C10orf90: variants seen among roughly 807,000 people sequenced by gnomAD.
C10orf90 encodes chromosome 10 open reading frame 90.
Under a neutral mutation model 62.5 loss-of-function variants are expected in C10orf90, and 56 were observed. That is an observed-to-expected ratio of 0.90 (90% CI 0.72 to 1.12). The LOEUF is 1.12. C10orf90 is among the 50% of genes most tolerant of loss of function. The probability of loss-of-function intolerance (pLI) is 0.00; values close to 1 mark genes in which losing one functional copy is unlikely to be tolerated. For missense variants in C10orf90, 970 were observed against 880.4 expected (o/e 1.10, Z -1.29); for synonymous variants, 386 against 340.4 (o/e 1.13, Z -1.47).
chr10:126,565,201 T>G (rs1844327823), intron 2 of C10orf90, among the ~76,000 whole-genome samples: 1 of 60,708 alleles, frequency 1.6e-5, no homozygotes, highest in African/African-American at 5.8e-5. Flanking sequence ...TTATATTACA[T>G]ATTATGTAAT....
In C10orf90 at chr10:126,504,541, C is replaced by G. The variant is rs369459666; in HGVS notation, c.950G>C (p.Arg317Pro). 124 of 1,614,094 alleles carry G rather than the reference C, an allele frequency of 7.7e-5. No individual in the cohort carries two copies. Among genetic ancestry groups the G allele is most frequent in the Non-Finnish European group, 1.0e-4 (120 of 1,180,032 alleles). ...PEAHTGLCER[R>P]KYWVTHADDK... ...GTCTGCATGGGTGACCCAGTACTTG[C>G]GTCTCTCACACAACCCAGTGTGGGC... The change falls in exon 4 of 10, where the codon CGC (arginine) becomes CCC (proline). Residue 317 changes from arginine (R) to proline (P), a missense_variant. Coordinates refer to ENST00000488181, the MANE Select transcript of C10orf90 (RefSeq NM_001350921.2). The surrounding 1 kb of genome is among the most constrained non-coding windows in gnomAD (Gnocchi z 4.1).
At chr10:126,430,699 C>T (rs923482311) in intron 7 of C10orf90, among the ~76,000 whole-genome samples, 2 of 152,164 alleles carry the variant, frequency 1.3e-5, no homozygotes, top group African/African-American at 4.8e-5. Context: ...CAGTAACCTG[C>T]TCATTCAGCA....
intron 3 of C10orf90, among the ~76,000 whole-genome samples, chr10:126,506,333 C>T (rs1301527119): frequency 6.6e-6 from 1 of 152,256 alleles, no homozygotes; most frequent in Non-Finnish European, 1.5e-5. Context: ...CACCCCAGCA[C>T]TTAGTGAAGG....
intron 4 of C10orf90, among the ~76,000 whole-genome samples, chr10:126,489,783 A>G (rs1861619617): frequency 6.6e-6 from 1 of 151,234 alleles, no homozygotes; most frequent in Non-Finnish European, 1.5e-5. Context: ...TCCCTTGTGC[A>G]GCATATTAAT....
At chr10:126,524,145 T>A (rs572827107) in intron 2 of C10orf90, among the ~76,000 whole-genome samples, 108 of 152,350 alleles carry the variant, frequency 7.1e-4, no homozygotes, top group African/African-American at 2.5e-3. Flanking sequence ...AAACTAGTTC[T>A]TGTTTTGAGA....
intron 1 of C10orf90, among the ~76,000 whole-genome samples, chr10:126,656,779 C>A (rs933154881): frequency 6.6e-6 from 1 of 152,246 alleles, no homozygotes; most frequent in Non-Finnish European, 1.5e-5. Context: ...TTCAACTGTA[C>A]CCATTTGTCA....
chr10:126,615,920 C>T (rs1845531091), intron 2 of C10orf90, among the ~76,000 whole-genome samples: 1 of 152,224 alleles, frequency 6.6e-6, no homozygotes, highest in Admixed American at 6.5e-5. Context: ...CTTACTGGAG[C>T]CTTCCCATCA....
intron 2 of C10orf90, among the ~76,000 whole-genome samples, chr10:126,598,490 G>T (rs1677085375): frequency 6.6e-6 from 1 of 152,070 alleles, no homozygotes. Context: ...AACAAAATCT[G>T]CCTTGCCTTC....
At chr10:126,484,080 G>A (rs1247471864) in intron 4 of C10orf90, among the ~76,000 whole-genome samples, 1 of 152,006 alleles carries the variant, frequency 6.6e-6, no homozygotes, top group Non-Finnish European at 1.5e-5. Flanking sequence ...TCTCTCTCCT[G>A]TCTGTGTGCA....
intron 1 of C10orf90, among the ~76,000 whole-genome samples, chr10:126,651,273 T>C (rs1846285895): frequency 6.6e-6 from 1 of 152,212 alleles, no homozygotes; most frequent in Admixed American, 6.5e-5. Flanking sequence ...CATAAAGCTC[T>C]GTATTCCGAG....
At chr10:126,481,873 C>G (rs898818322) in intron 4 of C10orf90, among the ~76,000 whole-genome samples, 2 of 152,190 alleles carry the variant, frequency 1.3e-5, no homozygotes, top group East Asian at 1.9e-4. Context: ...AATGATGACT[C>G]TAATCTTCTT....
intron 2 of C10orf90, among the ~76,000 whole-genome samples, chr10:126,611,650 A>ATTATTATTAT (rs1845437521): frequency 6.6e-6 from 1 of 152,202 alleles, no homozygotes; most frequent in Non-Finnish European, 1.5e-5. Context: ...GTCAGCAAAT[A>ATTATTATTAT]TTATTATTAT....
chr10:126,465,056 A>G, intron 4 of C10orf90, 70 bp from the exon 5 acceptor site: 1 of 1,499,634 alleles, frequency 6.7e-7, no homozygotes, highest in Non-Finnish European at 9.1e-7. Context: ...CTTCTACCGC[A>G]CATGGTGCTT....
At chr10:126,562,576 C>T (rs766081911) in intron 2 of C10orf90, among the ~76,000 whole-genome samples, 21 of 152,168 alleles carry the variant, frequency 1.4e-4, no homozygotes, top group African/African-American at 2.2e-4. Context: ...ACCTGTCAAA[C>T]GGGCACAGAG....
chr10:126,614,763 A>G (rs1318404705), intron 2 of C10orf90, among the ~76,000 whole-genome samples: 2 of 152,224 alleles, frequency 1.3e-5, no homozygotes, highest in Non-Finnish European at 2.9e-5. Flanking sequence ...TTGAGAAGGC[A>G]TGACACAGAG....
intron 2 of C10orf90, among the ~76,000 whole-genome samples, chr10:126,622,013 G>A (rs570978416): frequency 1.5e-4 from 23 of 151,570 alleles, no homozygotes; most frequent in African/African-American, 3.6e-4. Flanking sequence ...AGCAAGCATC[G>A]TCCTGGCCTA....
intron 2 of C10orf90, among the ~76,000 whole-genome samples, chr10:126,521,855 A>G (rs1315659313): frequency 1.3e-5 from 2 of 152,200 alleles, no homozygotes; most frequent in Admixed American, 6.5e-5. Flanking sequence ...TTTATACCCA[A>G]CCAAATTTGA....
chr10:126,599,812 T>C (rs985109271), intron 2 of C10orf90, among the ~76,000 whole-genome samples: 3 of 152,168 alleles, frequency 2.0e-5, no homozygotes, highest in Admixed American at 2.0e-4. Flanking sequence ...GAGAATATAG[T>C]TTGGTAGGGT....
chr10:126,425,511 T>A lies in C10orf90; in HGVS notation c.*353A>T, dbSNP rs2133965027. 3.4e-6 allele frequency: 1 copy of A among 296,178 alleles called. No individual in the cohort carries two copies. Among genetic ancestry groups the A allele is most frequent in the Non-Finnish European group, 6.2e-6 (1 of 161,224 alleles). 18.3% of individuals were successfully genotyped at this position (296,178 alleles called of 1,614,324 possible). A position where few individuals can be genotyped will look rare whatever the true frequency, so the allele number is the denominator to read the frequency against. ...TTTGATGTAAAAGATTCCCCAGGGATGTAAACAAACTTGCTTGTATCAGGC... is the reference window on the plus strand; with the variant it reads ...TTTGATGTAAAAGATTCCCCAGGGAAGTAAACAAACTTGCTTGTATCAGGC... On this transcript the variant is annotated 3_prime_UTR_variant, in exon 10 of 10. Transcript: ENST00000488181.
Sources: gnomAD v4.1 joint callset for allele counts (sites outside exome capture counted in the v4.1 genomes callset) on GRCh38, gnomAD v4.1.1 for gene constraint, Gnocchi (gnomAD v3.1) non-coding constraint, MANE v1.5 for transcripts, NCBI Gene and HGNC (gene_info 2026-07-23, HGNC 2026-07-21) for gene names.